The following GPC5 variants were observed in gnomAD, a reference collection of about 807,000 sequenced individuals.
GPC5 encodes the protein glypican-5.
In GPC5, 47 loss-of-function variants were observed where a neutral mutation model predicts 53.9. That is an observed-to-expected ratio of 0.87 (90% CI 0.69 to 1.11). The LOEUF (loss-of-function observed/expected upper bound fraction) is 1.11. GPC5 is among the 50% of genes most tolerant of loss of function. The pLI is 0.00. For missense variants in GPC5, 748 were observed against 713.1 expected (o/e 1.05, Z -0.56); for synonymous variants, 286 against 263.3 (o/e 1.09, Z -0.84).
rs138245106 is a variant in GPC5, at chr13:92,830,874, A to G, written c.1562-35408A>G. 1.2e-3 allele frequency among the ~76,000 whole-genome samples: 185 copies of G among 152,260 alleles called. 5 individuals are homozygous for G. The East Asian group carries it at 0.032, about 27-fold the overall frequency. The stretch of plus-strand genomic sequence containing the variant: ...TAAATTGGAAAAGAGTTCTCTCAGA[A>G]AAGCAGAACATATTTAACTTGGAGA... On this transcript the variant is annotated intron_variant, in intron 7 of 7. Coordinates refer to ENST00000377067, the MANE Select transcript of GPC5 (RefSeq NM_004466.6).
At chr13:92,628,584 C>T (rs773822483) in intron 7 of GPC5, among the ~76,000 whole-genome samples, 2 of 152,030 alleles carry the variant, frequency 1.3e-5, no homozygotes, top group Non-Finnish European at 2.9e-5. Flanking sequence ...TCTTCATGTG[C>T]TCCTTTGGTG....
chr13:92,662,631 A>G (rs551684140), intron 7 of GPC5, among the ~76,000 whole-genome samples: 64 of 152,290 alleles, frequency 4.2e-4, no homozygotes, highest in Middle Eastern at 3.4e-3. Flanking sequence ...CCACTCAGCT[A>G]CTGGAGCTAC....
At chr13:92,626,817 G>A (rs1885061279) in intron 7 of GPC5, among the ~76,000 whole-genome samples, 1 of 152,124 alleles carries the variant, frequency 6.6e-6, no homozygotes, top group South Asian at 2.1e-4. Flanking sequence ...ATGCTAATGG[G>A]TGGTTGAAAG....
intron 7 of GPC5, among the ~76,000 whole-genome samples, chr13:92,845,551 G>T (rs1878585196): frequency 6.6e-6 from 1 of 152,056 alleles, no homozygotes; most frequent in Non-Finnish European, 1.5e-5. Flanking sequence ...TTATCTGGGG[G>T]CCCACCTACA....
At chr13:92,238,301 A>G (rs1490474295) in intron 7 of GPC5, among the ~76,000 whole-genome samples, 1 of 151,920 alleles carries the variant, frequency 6.6e-6, no homozygotes, top group Non-Finnish European at 1.5e-5. Flanking sequence ...ATCACTTTAT[A>G]TTACCTCCAG....
At chr13:92,176,026 G>A (rs546666467) in intron 7 of GPC5, among the ~76,000 whole-genome samples, 44 of 152,284 alleles carry the variant, frequency 2.9e-4, no homozygotes, top group Non-Finnish European at 3.4e-4. Flanking sequence ...CCATTATCAT[G>A]AAGTTTGCTC....
rs181522450 is a variant in GPC5 at position 92,278,974 on chromosome 13, T to C, written c.1561+133985T>C. ...GGGAAATTTGAGTCTTAAATCATTT[T>C]TTTTTCTTTCAGTGTTGTCTTAACT... On this transcript the variant is annotated intron_variant, in intron 7 of 7. Transcript: ENST00000377067. Among the ~76,000 whole-genome samples the C allele has an allele frequency of 6.6e-5, 10 of 152,218 alleles. No homozygotes were observed. In the East Asian group the frequency reaches 1.9e-3, roughly 29 times the overall value.
intron 7 of GPC5, among the ~76,000 whole-genome samples, chr13:92,865,411 G>A (rs1040271616): frequency 5.3e-5 from 8 of 152,034 alleles, no homozygotes; most frequent in African/African-American, 1.9e-4. Context: ...TTTCCATAAA[G>A]GTCCTAATTC....
intron 7 of GPC5, among the ~76,000 whole-genome samples, chr13:92,206,607 T>C (rs73627716): frequency 0.023 from 3,508 of 152,228 alleles, 128 homozygotes; most frequent in African/African-American, 0.079. Context: ...TTGTTTTTCC[T>C]CAGACCAGTC....
chr13:92,695,585 G>A (rs752617392), intron 7 of GPC5, among the ~76,000 whole-genome samples: 8 of 151,618 alleles, frequency 5.3e-5, no homozygotes, highest in East Asian at 3.9e-4. Flanking sequence ...GATGATCATC[G>A]TATCTTTTCC....
Position 91,693,637 on chromosome 13 carries a change from C to A in GPC5, c.776C>A (p.Pro259Gln). ...SRALLKMQYC[P>Q]HCQGLALTKP... ...GCCCTCCTGAAGATGCAATACTGCC[C>A]GCACTGCCAAGGCCTGGCGCTCACT... Residue 259 changes from proline to glutamine, a missense_variant, in exon 3 of 8, where the codon CCG (proline) becomes CAG (glutamine). Transcript: ENST00000377067. The A allele has an allele frequency of 6.2e-7, 1 of 1,614,070 alleles. No homozygotes were observed. The highest frequency in any genetic ancestry group is 2.2e-5 in the East Asian group (1 of 44,852).
chr13:92,349,316 T>C (rs2043454993), intron 7 of GPC5, among the ~76,000 whole-genome samples: 1 of 152,124 alleles, frequency 6.6e-6, no homozygotes, highest in South Asian at 2.1e-4. Flanking sequence ...GCTAATGTTT[T>C]ATATTTTTAG....
chr13:92,527,456 A>T (rs1003667161), intron 7 of GPC5, among the ~76,000 whole-genome samples: 1 of 152,208 alleles, frequency 6.6e-6, no homozygotes, highest in Non-Finnish European at 1.5e-5. Context: ...TGCTAAGAGG[A>T]CAAGTAAAAT....
At chr13:92,314,862 C>A (rs974897364) in intron 7 of GPC5, among the ~76,000 whole-genome samples, 3 of 152,084 alleles carry the variant, frequency 2.0e-5, no homozygotes, top group Non-Finnish European at 4.4e-5. Flanking sequence ...AGCCTCAACA[C>A]CCCCCATGCT....
At chr13:91,783,363 T>A (rs575304098) in intron 5 of GPC5, among the ~76,000 whole-genome samples, 1 of 152,312 alleles carries the variant, frequency 6.6e-6, no homozygotes, top group African/African-American at 2.4e-5. Context: ...CTGAGTCCAA[T>A]GAAGATACAC....
At chr13:92,475,760 C>G (rs1322926468) in intron 7 of GPC5, among the ~76,000 whole-genome samples, 4 of 151,990 alleles carry the variant, frequency 2.6e-5, no homozygotes, top group Admixed American at 2.0e-4. Context: ...GATCTTTGAC[C>G]TGAGAAAACC....
intron 2 of GPC5, among the ~76,000 whole-genome samples, chr13:91,519,304 T>C (rs1289420420): frequency 6.6e-6 from 1 of 152,202 alleles, no homozygotes; most frequent in Non-Finnish European, 1.5e-5. Flanking sequence ...CATTTGTATC[T>C]TAAAGGAACT....
In GPC5 at chr13:92,466,401, A is replaced by C. The variant is rs181149848; in HGVS notation, c.1561+321412A>C. Among the ~76,000 whole-genome samples, 115 of 152,202 alleles carry C rather than the reference A, an allele frequency of 7.6e-4. 1 individual carries two copies. Among genetic ancestry groups the C allele is most frequent in the Non-Finnish European group, 1.4e-3 (95 of 67,966 alleles). On this transcript the variant is annotated intron_variant, in intron 7 of 7. Coordinates refer to ENST00000377067, the MANE Select transcript of GPC5 (RefSeq NM_004466.6). ...GTATATAAAATCACAACCTGAAGTC[A>C]TAAAGACTCTTGCCTCCCTGTCTGA...
chr13:92,701,357 G>A (rs921393911), intron 7 of GPC5: 4 of 152,022 alleles, frequency 2.6e-5, no homozygotes, highest in African/African-American at 7.2e-5. Context: ...GGCTCTCAAT[G>A]TGTGGAAATC....
Sources: gnomAD v4.1 joint callset for allele counts (sites outside exome capture counted in the v4.1 genomes callset) on GRCh38, gnomAD v4.1.1 for gene constraint, MANE v1.5 for transcripts, NCBI Gene and HGNC (gene_info 2026-07-23, HGNC 2026-07-21) for gene names.